The following PDE7B variants were observed in gnomAD, a reference collection of about 807,000 sequenced individuals.
PDE7B encodes the protein 3',5'-cyclic-AMP phosphodiesterase 7B.
Under a neutral mutation model 56.2 loss-of-function variants are expected in PDE7B, and 29 were observed. The observed-to-expected ratio is 0.52, with a 90% CI of 0.38 to 0.70. The LOEUF is 0.70. PDE7B is among the 30% of genes least tolerant of loss of function. The pLI, the probability that PDE7B is intolerant of heterozygous loss-of-function variation, is 0.00. For synonymous variants in PDE7B, 197 were observed against 196.9 expected (o/e 1.00, Z 0.00); for missense variants, 490 against 565.0 (o/e 0.87, Z 1.35).
At chr6:136,096,670 A>T (rs552744832) in intron 2 of PDE7B, among the ~76,000 whole-genome samples, 1 of 151,956 alleles carries the variant, frequency 6.6e-6, no homozygotes. Context: ...AGAAATTACT[A>T]TTATTCTTAA....
At chr6:136,167,469 C>T (rs1417792356) in intron 8 of PDE7B, among the ~76,000 whole-genome samples, 1 of 152,066 alleles carries the variant, frequency 6.6e-6, no homozygotes, top group Non-Finnish European at 1.5e-5. Flanking sequence ...CCTGCACAAG[C>T]TCTCTCTCTT....
At chr6:136,073,591 G>A (rs1212777012) in intron 2 of PDE7B, among the ~76,000 whole-genome samples, 1 of 152,122 alleles carries the variant, frequency 6.6e-6, no homozygotes, top group Non-Finnish European at 1.5e-5. Flanking sequence ...AAGTGCACTA[G>A]TCATAATGGA....
At chr6:135,900,341 A>G (rs1371339579) in intron 1 of PDE7B, among the ~76,000 whole-genome samples, 2 of 151,952 alleles carry the variant, frequency 1.3e-5, no homozygotes, top group African/African-American at 2.4e-5. Context: ...TGGGTTTTTT[A>G]TATGTTCTTT....
intron 3 of PDE7B, among the ~76,000 whole-genome samples, chr6:136,128,555 A>AC (rs971526344): frequency 1.7e-4 from 26 of 150,180 alleles, no homozygotes; most frequent in South Asian, 6.4e-4. Flanking sequence ...GAGAACTGGG[A>AC]CCCCCCCACC....
chr6:135,926,230 G>T (rs1382097825), intron 1 of PDE7B, among the ~76,000 whole-genome samples: 1 of 151,682 alleles, frequency 6.6e-6, no homozygotes, highest in Non-Finnish European at 1.5e-5. Context: ...GGGACTACAG[G>T]CACCCGCCAC....
In PDE7B at chr6:136,192,460, T is replaced by C. The variant is rs1779246585; in HGVS notation, c.*620T>C. The C allele has an allele frequency of 6.6e-6, 1 of 152,360 alleles. No individual in the cohort carries two copies. Among genetic ancestry groups the C allele is most frequent in the South Asian group, 2.1e-4 (1 of 4,826 alleles). 9.4% of individuals were successfully genotyped at this position (152,360 alleles called of 1,614,324 possible). Reference sequence around the variant, plus strand: ...GAACAGGGGGTTCATTGTTTTGCTATTGACTTTATTATGCCACTTTGGGGC... The same window carrying C: ...GAACAGGGGGTTCATTGTTTTGCTACTGACTTTATTATGCCACTTTGGGGC... On this transcript the variant is annotated 3_prime_UTR_variant, in exon 13 of 13. Transcript: ENST00000308191.
At chr6:135,887,769 T>A (rs1775735487) in intron 1 of PDE7B, among the ~76,000 whole-genome samples, 1 of 152,146 alleles carries the variant, frequency 6.6e-6, no homozygotes, top group African/African-American at 2.4e-5. Context: ...TAAGCATAAT[T>A]TGTGGCAGTT....
At chr6:136,030,284 C>T (rs1189026180) in intron 2 of PDE7B, among the ~76,000 whole-genome samples, 1 of 152,138 alleles carries the variant, frequency 6.6e-6, no homozygotes, top group Non-Finnish European at 1.5e-5. Context: ...TGTTCTAGAC[C>T]CATGCTCTTA....
rs879377949 is a variant in PDE7B at position 135,878,276 on chromosome 6, C to CT, written c.21+26266dup. Among the ~76,000 whole-genome samples the CT allele has an allele frequency of 4.1e-3, 615 of 151,252 alleles. 1 individual carries two copies. Among genetic ancestry groups the CT allele is most frequent in the African/African-American group, 0.013 (534 of 41,254 alleles). Reference sequence around the variant, plus strand: ...CATTTTTATTACATATTTTATCAGTCTTTTTTTTTAAAATAGTGTGTTTAT... The same window carrying CT: ...CATTTTTATTACATATTTTATCAGTCTTTTTTTTTTAAAATAGTGTGTTTAT... On this transcript the variant is annotated intron_variant, in intron 1 of 12. Transcript: ENST00000308191.
chr6:135,999,912 C>A (rs981216339), intron 2 of PDE7B, among the ~76,000 whole-genome samples: 3 of 152,136 alleles, frequency 2.0e-5, no homozygotes, highest in Non-Finnish European at 4.4e-5. Context: ...TCTCTGCAAC[C>A]TCACCAGCAT....
At chr6:135,917,799 G>A (rs1380087976) in intron 1 of PDE7B, among the ~76,000 whole-genome samples, 4 of 152,168 alleles carry the variant, frequency 2.6e-5, no homozygotes, top group Admixed American at 2.6e-4. Flanking sequence ...TTTAAGGCCT[G>A]TGAATAAGCT....
chr6:136,017,799 C>T (rs1029137396), intron 2 of PDE7B, among the ~76,000 whole-genome samples: 3 of 152,058 alleles, frequency 2.0e-5, no homozygotes, highest in Non-Finnish European at 4.4e-5. Context: ...GAAATGGGTT[C>T]TTGCTTGGCT....
At chr6:136,123,360 GC>G in intron 3 of PDE7B, among the ~76,000 whole-genome samples, 1 of 152,182 alleles carries the variant, frequency 6.6e-6, no homozygotes, top group Non-Finnish European at 1.5e-5. Context: ...TCACAATTAT[GC>G]CTCTTGATTA....
intron 2 of PDE7B, among the ~76,000 whole-genome samples, chr6:136,059,393 A>G (rs1182070874): frequency 6.6e-6 from 1 of 152,232 alleles, no homozygotes; most frequent in Non-Finnish European, 1.5e-5. Context: ...TGGATGGAGA[A>G]TCAAAAGGCA....
chr6:136,068,250 G>C (rs951864343), intron 2 of PDE7B, among the ~76,000 whole-genome samples: 4 of 152,138 alleles, frequency 2.6e-5, no homozygotes, highest in Non-Finnish European at 5.9e-5. Context: ...CATTGGTTCT[G>C]TCCGGAAAGG....
intron 2 of PDE7B, among the ~76,000 whole-genome samples, chr6:135,986,005 G>A (rs577658405): frequency 2.0e-5 from 3 of 152,260 alleles, no homozygotes; most frequent in East Asian, 1.9e-4. Context: ...TTATAATGCT[G>A]TTACTCCTCC....
rs112156248 is a variant in PDE7B, at chr6:135,888,131, G to A, written c.21+36112G>A. Among the ~76,000 whole-genome samples the A allele has an allele frequency of 4.7e-3, 721 of 152,106 alleles. 10 individuals are homozygous for A. Among genetic ancestry groups the A allele is most frequent in the African/African-American group, 0.017 (693 of 41,506 alleles). ...AGTGCTTTTGCCTATATTATCCCAC[G>A]TAATTGCTATGATACCTCTATGACC... is the stretch of plus-strand genomic sequence containing the variant. On this transcript the variant is annotated intron_variant, in intron 1 of 12. Coordinates refer to ENST00000308191, the MANE Select transcript of PDE7B (RefSeq NM_018945.4).
chr6:136,147,186 A>G (rs2128446755), intron 3 of PDE7B, among the ~76,000 whole-genome samples, 165 bp from the exon 4 acceptor site: 2 of 152,212 alleles, frequency 1.3e-5, no homozygotes, highest in African/African-American at 2.4e-5. Context: ...AATATCAGGT[A>G]TGTTCATGAA....
At chr6:136,067,081 C>G (rs1463406977) in intron 2 of PDE7B, among the ~76,000 whole-genome samples, 1 of 152,106 alleles carries the variant, frequency 6.6e-6, no homozygotes, top group Non-Finnish European at 1.5e-5. Context: ...AAATTCCTTA[C>G]TTCAAGCAAT....
Sources: gnomAD v4.1 joint callset for allele counts (sites outside exome capture counted in the v4.1 genomes callset) on GRCh38, gnomAD v4.1.1 for gene constraint, MANE v1.5 for transcripts, NCBI Gene and HGNC (gene_info 2026-07-23, HGNC 2026-07-21) for gene names.